FAT3: variants seen among roughly 807,000 people sequenced by gnomAD.
The protein encoded by FAT3 is FAT atypical cadherin 3.
A neutral mutation model predicts 310.2 loss-of-function variants in FAT3; 95 were observed. The ratio of observed to expected loss-of-function variants is 0.31; its 90% CI spans 0.26 to 0.36. FAT3 has a LOEUF of 0.36. FAT3 is among the 10% of genes least tolerant of loss of function. The probability of loss-of-function intolerance (pLI) is 1.00; values close to 1 mark genes in which losing one functional copy is unlikely to be tolerated. For missense variants in FAT3, 5,408 were observed against 5,715.6 expected, an observed-to-expected ratio of 0.95 and a Z score of 1.74; for synonymous variants, 2,314 against 2,192.9, an observed-to-expected ratio of 1.06 and a Z score of -1.54.
At chr11:92,886,328 G>GT (rs1949795921) in intron 24 of FAT3, among the ~76,000 whole-genome samples, 1 of 150,444 alleles carries the variant, frequency 6.6e-6, no homozygotes, top group African/African-American at 2.4e-5. Context: ...AAGTAGCCCT[G>GT]GTGTGTGTGT....
intron 1 of FAT3, among the ~76,000 whole-genome samples, chr11:92,276,230 A>G (rs1187158): frequency 0.6 from 91,821 of 152,082 alleles, 28,048 homozygotes; most frequent in African/African-American, 0.68. Flanking sequence ...GCAGTATAAT[A>G]CATTTTTATC....
intron 3 of FAT3, among the ~76,000 whole-genome samples, chr11:92,663,727 T>C (rs1942867598): frequency 6.6e-6 from 1 of 152,174 alleles, no homozygotes; most frequent in Non-Finnish European, 1.5e-5. Flanking sequence ...TCCCTCTTCA[T>C]GAATCTGCTC....
At chr11:92,613,815 A>G (rs1425761977) in intron 3 of FAT3, among the ~76,000 whole-genome samples, 1 of 152,118 alleles carries the variant, frequency 6.6e-6, no homozygotes, top group East Asian at 1.9e-4. Context: ...TAGTTTATTC[A>G]CAGAATTGTG....
At chr11:92,240,575 C>CA (rs1565173415) in intron 1 of FAT3, among the ~76,000 whole-genome samples, 106 of 89,326 alleles carry the variant, frequency 1.2e-3, no homozygotes, top group Admixed American at 1.9e-3. Context: ...TGAAACCCCC[C>CA]CAAAAAAAAA....
At chr11:92,858,096 T>TA (rs1949028135) in intron 20 of FAT3, among the ~76,000 whole-genome samples, 2 of 152,078 alleles carry the variant, frequency 1.3e-5, no homozygotes, top group African/African-American at 4.8e-5. Flanking sequence ...ATAGTTGGAA[T>TA]AAAAAAATAA....
At chr11:92,590,477 A>G (rs112185601) in intron 3 of FAT3, among the ~76,000 whole-genome samples, 16 of 152,246 alleles carry the variant, frequency 1.1e-4, no homozygotes, top group African/African-American at 3.4e-4. Context: ...GTGGACCAAA[A>G]AGCATCTGAG....
chr11:92,307,999 T>G (rs1723113880), intron 1 of FAT3, among the ~76,000 whole-genome samples: 1 of 152,152 alleles, frequency 6.6e-6, no homozygotes, highest in Non-Finnish European at 1.5e-5. Flanking sequence ...TAACCAGATG[T>G]AAACCTAGCT....
intron 5 of FAT3, 27 bp downstream of exon 5, chr11:92,762,197 C>T (rs1946168948): frequency 6.3e-7 from 1 of 1,581,814 alleles, no homozygotes; most frequent in Non-Finnish European, 8.6e-7. Context: ...TCCAGCAGCA[C>T]AGCAGATGGG....
intron 1 of FAT3, among the ~76,000 whole-genome samples, chr11:92,317,316 T>A: frequency 6.6e-6 from 1 of 152,328 alleles, no homozygotes; most frequent in South Asian, 2.1e-4. Flanking sequence ...TCTTTCAGTT[T>A]TACTTACTAC....
intron 1 of FAT3, among the ~76,000 whole-genome samples, chr11:92,316,189 T>A (rs1947456815): frequency 6.6e-6 from 1 of 151,632 alleles, no homozygotes; most frequent in South Asian, 2.1e-4. Flanking sequence ...CAAGCAGAAC[T>A]AGGGATAAAA....
At chr11:92,441,499 G>A (rs993519968) in intron 2 of FAT3, among the ~76,000 whole-genome samples, 1 of 152,154 alleles carries the variant, frequency 6.6e-6, no homozygotes, top group Non-Finnish European at 1.5e-5. Flanking sequence ...TAGCCGACCC[G>A]CAGATCGGGA....
chr11:92,495,057 C>T (rs78073898), intron 2 of FAT3, among the ~76,000 whole-genome samples: 1,716 of 152,032 alleles, frequency 0.011, 32 homozygotes, highest in African/African-American at 0.039. Context: ...AACCATGTAG[C>T]GTGGTTTTTT....
chr11:92,291,467 C>T (rs1326214537), intron 1 of FAT3, among the ~76,000 whole-genome samples: 1 of 152,092 alleles, frequency 6.6e-6, no homozygotes, highest in African/African-American at 2.4e-5. Flanking sequence ...GAGCCCAGCT[C>T]TGTGCTTCAG....
intron 4 of FAT3, among the ~76,000 whole-genome samples, chr11:92,755,430 G>T (rs1185414527): frequency 6.6e-6 from 1 of 151,926 alleles, no homozygotes; most frequent in East Asian, 1.9e-4. Context: ...CACCATGTTG[G>T]CCAGCCTGGT....
intron 10 of FAT3, among the ~76,000 whole-genome samples, chr11:92,803,601 A>T (rs1947425827): frequency 6.6e-6 from 1 of 152,194 alleles, no homozygotes; most frequent in South Asian, 2.1e-4. Flanking sequence ...CTATTGACAT[A>T]TGGGGCCAGA....
chr11:92,809,172 C>G (rs1415097852), intron 12 of FAT3, among the ~76,000 whole-genome samples: 1 of 152,092 alleles, frequency 6.6e-6, no homozygotes, highest in East Asian at 1.9e-4. Flanking sequence ...ATAGACATAA[C>G]ATTACTCCAC....
At chr11:92,656,983 G>T (rs910308206) in intron 3 of FAT3, among the ~76,000 whole-genome samples, 1 of 152,122 alleles carries the variant, frequency 6.6e-6, no homozygotes, top group African/African-American at 2.4e-5. Context: ...CAGGGGTAAG[G>T]TGGGGTGGGG....
chr11:92,721,772 G>C lies in FAT3; in HGVS notation c.3669+24327G>C, dbSNP rs577510025. Among the ~76,000 whole-genome samples, 5 of 152,278 alleles carry C rather than the reference G, an allele frequency of 3.3e-5. No individual in the cohort carries two copies. In the South Asian group the frequency reaches 1.0e-3, roughly 32 times the overall value. ...GGACTCACAGTTCCATGTGGCAGGA[G>C]AGACCTCACAATCATGGCAGAAGAT... On this transcript the variant is annotated intron_variant, in intron 4 of 27. Transcript: ENST00000525166.
In FAT3 at chr11:92,883,222, C is replaced by G. The variant is rs2136415956; in HGVS notation, c.12766C>G (p.Leu4256Val). The change falls in exon 24 of 28, where the codon CTG becomes GTG. Residue 4256 changes from leucine (L) to valine (V), a missense_variant. By Grantham distance (32) the Leu-to-Val change is conservative (BLOSUM62 1). Around this residue, in one of 5 missense-constraint regions of FAT3, gnomAD observed 649 missense variants for 666.2 expected, o/e 0.97. Coordinates refer to ENST00000525166, the MANE Select transcript of FAT3 (RefSeq NM_001367949.2). This position sits in a 1 kb window ranked among gnomAD's most constrained non-coding sequence, Gnocchi z 4.2. ...RSNLDKIVDG[L>V]GGEHQEMTTF... The stretch of plus-strand genomic sequence containing the variant: ...CAACCTGGATAAGATCGTGGACGGG[C>G]TGGGAGGCGAGCACCAGGAAATGAC... The G allele has an allele frequency of 6.2e-7, 1 of 1,613,172 alleles. No homozygotes were observed. The highest frequency in any genetic ancestry group is 8.5e-7 in the Non-Finnish European group (1 of 1,179,848).
Sources: gnomAD v4.1 joint callset for allele counts (sites outside exome capture counted in the v4.1 genomes callset) on GRCh38, gnomAD v4.1.1 for gene constraint, gnomAD v4.1.1 regional missense constraint, Gnocchi (gnomAD v3.1) non-coding constraint, MANE v1.5 for transcripts, NCBI Gene and HGNC (gene_info 2026-07-23, HGNC 2026-07-21) for gene names.